The following LRRC8D variants were observed in gnomAD, a reference collection of about 807,000 sequenced individuals.
LRRC8D encodes the protein leucine rich repeat containing 8 VRAC subunit D.
Under a neutral mutation model 55.8 loss-of-function variants are expected in LRRC8D, and 20 were observed. The ratio of observed to expected loss-of-function variants is 0.36; its 90% CI spans 0.25 to 0.52. LRRC8D has a LOEUF of 0.52. Among genes scored for constraint, LRRC8D ranks in the 20% least tolerant of loss-of-function variants. The pLI, the probability that LRRC8D is intolerant of heterozygous loss-of-function variation, is 0.93. For missense variants in LRRC8D, 651 were observed against 1,030.8 expected (o/e 0.63, Z 5.05); for synonymous variants, 352 against 377.0 (o/e 0.93, Z 0.77).
chr1:89,931,236 C>G (rs1663697274), intron 2 of LRRC8D, among the ~76,000 whole-genome samples: 1 of 129,476 alleles, frequency 7.7e-6, no homozygotes, highest in Non-Finnish European at 1.6e-5. Flanking sequence ...CTGTGCAGTA[C>G]TAGGTATGTG....
At chr1:89,853,506 A>G (rs1661475218) in intron 2 of LRRC8D, among the ~76,000 whole-genome samples, 1 of 152,238 alleles carries the variant, frequency 6.6e-6, no homozygotes, top group African/African-American at 2.4e-5. Context: ...TCTGAAAACA[A>G]AAGTGACAAC....
At chr1:89,932,325 A>G (rs985667408) in intron 2 of LRRC8D, among the ~76,000 whole-genome samples, 4 of 152,144 alleles carry the variant, frequency 2.6e-5, no homozygotes, top group African/African-American at 7.2e-5. Flanking sequence ...CATGCTTTCC[A>G]TAGGACTGCA....
intron 2 of LRRC8D, among the ~76,000 whole-genome samples, chr1:89,906,769 A>T (rs1007352931): frequency 1.3e-5 from 2 of 152,154 alleles, no homozygotes; most frequent in African/African-American, 4.8e-5. Flanking sequence ...GCACTGGATA[A>T]GAACTGGAGT....
intron 2 of LRRC8D, among the ~76,000 whole-genome samples, 163 bp downstream of exon 2, chr1:89,843,945 C>T (rs1034734990): frequency 1.3e-5 from 2 of 152,358 alleles, no homozygotes; most frequent in Admixed American, 1.3e-4. Context: ...CTGGCTGCTG[C>T]CGCCCTGGGT....
At chr1:89,839,774 G>A (rs973904864) in intron 1 of LRRC8D, among the ~76,000 whole-genome samples, 3 of 152,144 alleles carry the variant, frequency 2.0e-5, no homozygotes, top group African/African-American at 7.2e-5. Context: ...AGTGCAGAGG[G>A]TCATCTCTTT....
intron 2 of LRRC8D, among the ~76,000 whole-genome samples, chr1:89,878,685 G>A (rs1169967150): frequency 1.3e-5 from 2 of 152,186 alleles, no homozygotes; most frequent in Non-Finnish European, 2.9e-5. Flanking sequence ...TCTGATGAGG[G>A]CCATGTGCAG....
rs534442769 is a variant in LRRC8D, at chr1:89,868,959, T to C, written c.-3+25177T>C. 1.1e-4 allele frequency among the ~76,000 whole-genome samples: 17 copies of C among 152,316 alleles called. No homozygotes were observed. The East Asian group carries it at 3.3e-3, about 29-fold the overall frequency. On this transcript the variant is annotated intron_variant, in intron 2 of 2. Transcript: ENST00000337338. The stretch of plus-strand genomic sequence containing the variant: ...TCTCACTCTTTCGCCCAGGCTGGAG[T>C]GCAGTGGTATGATCTTTGCTCATTG...
intron 2 of LRRC8D, among the ~76,000 whole-genome samples, chr1:89,867,512 C>T (rs1484844484): frequency 6.6e-6 from 1 of 152,198 alleles, no homozygotes; most frequent in Non-Finnish European, 1.5e-5. Context: ...TTTACCCATT[C>T]TCATAGATTG....
At chr1:89,860,952 A>G (rs1487655021) in intron 2 of LRRC8D, among the ~76,000 whole-genome samples, 4 of 151,754 alleles carry the variant, frequency 2.6e-5, no homozygotes, top group Admixed American at 2.6e-4. Flanking sequence ...CTTCTGGGAT[A>G]AAGATAGGTA....
At chr1:89,826,523 A>G (rs1660768082) in intron 1 of LRRC8D, among the ~76,000 whole-genome samples, 1 of 152,154 alleles carries the variant, frequency 6.6e-6, no homozygotes. Context: ...AAGTGCTGGG[A>G]TTACAGGCAT....
chr1:89,873,159 A>G (rs1662063883), intron 2 of LRRC8D, among the ~76,000 whole-genome samples: 1 of 152,158 alleles, frequency 6.6e-6, no homozygotes, highest in Non-Finnish European at 1.5e-5. Context: ...TCCAGGGAAC[A>G]TCAAGATACT....
chr1:89,831,913 G>GCTATA (rs1325686987), intron 1 of LRRC8D, among the ~76,000 whole-genome samples: 2 of 152,202 alleles, frequency 1.3e-5, no homozygotes, highest in Non-Finnish European at 2.9e-5. Context: ...ATGACATTGA[G>GCTATA]CGGGTATACA....
intron 2 of LRRC8D, among the ~76,000 whole-genome samples, chr1:89,895,028 A>G (rs1052095769): frequency 2.6e-5 from 4 of 152,050 alleles, no homozygotes; most frequent in Non-Finnish European, 2.9e-5. Flanking sequence ...TCACTCAGTA[A>G]GCAAGCAGGC....
chr1:89,874,046 G>A (rs1431936224), intron 2 of LRRC8D, among the ~76,000 whole-genome samples: 2 of 152,176 alleles, frequency 1.3e-5, no homozygotes, highest in South Asian at 2.1e-4. Flanking sequence ...TAAGTGTTAA[G>A]CATTCTGCTT....
chr1:89,857,376 C>G (rs1286286630), intron 2 of LRRC8D, among the ~76,000 whole-genome samples: 1 of 132,814 alleles, frequency 7.5e-6, no homozygotes, highest in Non-Finnish European at 1.6e-5. Flanking sequence ...GAGCGAAACT[C>G]CATCTCAAAA....
rs77760849 is a variant in LRRC8D at position 89,902,519 on chromosome 1, G to T, written c.-2-30548G>T. Reference sequence around the variant, plus strand: ...CCCTGAGCCCACAGAATAATAAAAGGATGTTTTCTTTTTCTTTTTTTCTTT... The same window carrying T: ...CCCTGAGCCCACAGAATAATAAAAGTATGTTTTCTTTTTCTTTTTTTCTTT... On this transcript the variant is annotated intron_variant, in intron 2 of 2. Transcript: ENST00000337338. Among the ~76,000 whole-genome samples the T allele has an allele frequency of 5.2e-3, 790 of 152,032 alleles. 5 individuals carry two copies. The highest frequency in any genetic ancestry group is 5.7e-3 in the Non-Finnish European group (384 of 67,954).
intron 2 of LRRC8D, among the ~76,000 whole-genome samples, chr1:89,895,236 A>G (rs1352126806): frequency 1.3e-5 from 2 of 151,714 alleles, no homozygotes; most frequent in South Asian, 4.1e-4. Context: ...CTATATTCAT[A>G]TAATATATTA....
At chr1:89,923,591 T>C (rs1663477636) in intron 2 of LRRC8D, among the ~76,000 whole-genome samples, 1 of 152,182 alleles carries the variant, frequency 6.6e-6, no homozygotes, top group Non-Finnish European at 1.5e-5. Flanking sequence ...GATTCTAAAA[T>C]TCATATGGAA....
intron 1 of LRRC8D, among the ~76,000 whole-genome samples, chr1:89,822,552 G>A (rs1219704841): frequency 6.6e-6 from 1 of 152,178 alleles, no homozygotes; most frequent in African/African-American, 2.4e-5. Flanking sequence ...TACAGGCAGC[G>A]TTTATTGAGC....
Sources: allele counts gnomAD v4.1 joint callset (sites outside exome capture counted in the v4.1 genomes callset), GRCh38; gene constraint gnomAD v4.1.1; transcripts MANE v1.5; gene names NCBI Gene and HGNC (gene_info 2026-07-23, HGNC 2026-07-21).